ETS1: variants seen among roughly 807,000 people sequenced by gnomAD.
ETS1 encodes protein C-ets-1.
Under a neutral mutation model 58.6 loss-of-function variants are expected in ETS1, and 15 were observed. The ratio of observed to expected loss-of-function variants is 0.26; its 90% confidence interval spans 0.17 to 0.39. The LOEUF (loss-of-function observed/expected upper bound fraction) is 0.39. Among genes scored for constraint, ETS1 ranks in the 10% least tolerant of loss-of-function variants. The probability of loss-of-function intolerance (pLI) is 1.00; values close to 1 mark genes in which losing one functional copy is unlikely to be tolerated. For synonymous variants in ETS1, 214 were observed against 218.2 expected (o/e 0.98, Z 0.17); for missense variants, 417 against 610.5 (o/e 0.68, Z 3.34).
chr11:128,572,673 A>T (rs1864660382), intron 2 of ETS1, among the ~76,000 whole-genome samples: 1 of 152,208 alleles, frequency 6.6e-6, no homozygotes, highest in African/African-American at 2.4e-5. Flanking sequence ...GAAAACTTGC[A>T]TTATTGGCTT....
intron 3 of ETS1, chr11:128,521,867 C>T (rs1565395204): frequency 2.0e-6 from 3 of 1,535,034 alleles, no homozygotes; most frequent in African/African-American, 1.4e-5. Context: ...GGACCCCCGG[C>T]CTCTGGCCGA....
At chr11:128,500,644 T>G (rs1349673764) in intron 3 of ETS1, among the ~76,000 whole-genome samples, 2 of 152,110 alleles carry the variant, frequency 1.3e-5, no homozygotes, top group Admixed American at 1.3e-4. Context: ...CTCATACACA[T>G]TCACACAGTG....
chr11:128,564,475 G>A (rs191041448), intron 2 of ETS1, among the ~76,000 whole-genome samples: 1 of 152,128 alleles, frequency 6.6e-6, no homozygotes, highest in African/African-American at 2.4e-5. Context: ...AGCTTCCCTA[G>A]GGACCCCCTG....
At chr11:128,470,091 A>T (rs1862144241) in intron 8 of ETS1, among the ~76,000 whole-genome samples, 1 of 152,242 alleles carries the variant, frequency 6.6e-6, no homozygotes, top group Admixed American at 6.5e-5. Flanking sequence ...ACAAACAACA[A>T]CTTTATAAAC....
chr11:128,496,927 C>T lies in ETS1; in HGVS notation c.215-6351G>A, dbSNP rs567021892. ...TGATGTGACAACACAATGGGGGACACGCAGGACTCTTGGCTCCAGCAAGAG... is the reference window on the plus strand; with the variant it reads ...TGATGTGACAACACAATGGGGGACATGCAGGACTCTTGGCTCCAGCAAGAG... On this transcript the variant is annotated intron_variant, in intron 3 of 9. Coordinates refer to ENST00000392668, the MANE Select transcript of ETS1 (RefSeq NM_001143820.2). Among the ~76,000 whole-genome samples the T allele has an allele frequency of 5.9e-5, 9 of 152,214 alleles. No individual in the cohort carries two copies. In the East Asian group the frequency reaches 9.7e-4, roughly 16 times the overall value.
intron 3 of ETS1, among the ~76,000 whole-genome samples, chr11:128,540,865 C>T (rs1204664158): frequency 6.6e-6 from 1 of 152,146 alleles, no homozygotes; most frequent in Non-Finnish European, 1.5e-5. Flanking sequence ...GAGGCCAGAC[C>T]AGGGTGAGGG....
intron 8 of ETS1, among the ~76,000 whole-genome samples, chr11:128,479,535 T>C (rs12575164): frequency 0.16 from 25,073 of 152,246 alleles, 2,702 homozygotes; most frequent in Non-Finnish European, 0.22. Context: ...AGAGTCTCAA[T>C]CAAAGTTCAA....
intron 2 of ETS1, among the ~76,000 whole-genome samples, chr11:128,559,831 C>A (rs1864376176): frequency 6.6e-6 from 1 of 152,194 alleles, no homozygotes; most frequent in Admixed American, 6.5e-5. Context: ...ATTAACAGGT[C>A]AGAAATCTGG....
intron 8 of ETS1, among the ~76,000 whole-genome samples, chr11:128,477,932 A>G (rs1289284856): frequency 6.6e-6 from 1 of 152,182 alleles, no homozygotes; most frequent in Non-Finnish European, 1.5e-5. Flanking sequence ...CACCAAGATA[A>G]GAATGAACAC....
At chr11:128,507,690 A>G (rs535510339) in intron 3 of ETS1, among the ~76,000 whole-genome samples, 5 of 152,360 alleles carry the variant, frequency 3.3e-5, no homozygotes, top group Non-Finnish European at 7.3e-5. Flanking sequence ...CATCTGTGGC[A>G]AAGAAGGAAA....
intron 7 of ETS1, among the ~76,000 whole-genome samples, chr11:128,481,457 C>T (rs1862484139): frequency 6.7e-6 from 1 of 149,468 alleles, no homozygotes; most frequent in African/African-American, 2.5e-5. Flanking sequence ...TGGAGGAAAA[C>T]AAATGAATCT....
chr11:128,552,337 T>C (rs1225576237), intron 3 of ETS1, among the ~76,000 whole-genome samples: 3 of 152,332 alleles, frequency 2.0e-5, no homozygotes, highest in Admixed American at 2.0e-4. Context: ...GGTTTTACTG[T>C]GTTCAGTGAC....
chr11:128,560,855 G>A (rs1036743361), intron 2 of ETS1, among the ~76,000 whole-genome samples: 4 of 151,932 alleles, frequency 2.6e-5, no homozygotes, highest in Admixed American at 6.6e-5. Context: ...CAATGTGTAG[G>A]GGGAGGGGAA....
At chr11:128,533,067 C>T (rs1488500426) in intron 3 of ETS1, among the ~76,000 whole-genome samples, 12 of 152,166 alleles carry the variant, frequency 7.9e-5, no homozygotes, top group Non-Finnish European at 1.2e-4. Flanking sequence ...GCCAATTAGC[C>T]GTCGCCTTTG....
intron 1 of ETS1, among the ~76,000 whole-genome samples, chr11:128,573,873 T>G (rs1591673599): frequency 1.3e-5 from 2 of 152,352 alleles, no homozygotes; most frequent in African/African-American, 4.8e-5. Context: ...TTTCATAAAC[T>G]TAATACTATG....
intron 3 of ETS1, chr11:128,536,343 C>T (rs535491417): frequency 6.6e-6 from 1 of 152,058 alleles, no homozygotes; most frequent in Non-Finnish European, 1.5e-5. Flanking sequence ...AAATGGAAAA[C>T]ATGGTTGAAA....
intron 3 of ETS1, among the ~76,000 whole-genome samples, chr11:128,524,316 T>G (rs964311550): frequency 7.9e-5 from 12 of 152,202 alleles, no homozygotes; most frequent in Non-Finnish European, 1.8e-4. Flanking sequence ...AATCCAGTCC[T>G]GAAGCACAGA....
intron 3 of ETS1, among the ~76,000 whole-genome samples, chr11:128,544,368 T>TATATATATATATATATA (rs1864101099): frequency 7.0e-6 from 1 of 143,366 alleles, no homozygotes; most frequent in Admixed American, 6.9e-5. Flanking sequence ...TATATATATA[T>TATATATATATATATATA]GGAATTTCCC....
chr11:128,498,758 T>C (rs1408025291), intron 3 of ETS1, among the ~76,000 whole-genome samples: 5 of 152,194 alleles, frequency 3.3e-5, no homozygotes, highest in Non-Finnish European at 5.9e-5. Context: ...GAGATTATGA[T>C]TCCTGTGTGC....
Sources: gnomAD v4.1 joint callset for allele counts (sites outside exome capture counted in the v4.1 genomes callset) on GRCh38, gnomAD v4.1.1 for gene constraint, MANE v1.5 for transcripts, NCBI Gene and HGNC (gene_info 2026-07-23, HGNC 2026-07-21) for gene names.